Variants in DRC9 observed in about 807,000 individuals in gnomAD.
DRC9 encodes dynein regulatory complex subunit 9, also known as dynein regulatory complex protein 9.
At chr3:197,950,924 G>T in the DRC9 span, 13 of 1,613,660 alleles carry the variant, frequency 8.1e-6, no homozygotes, top group Admixed American at 1.7e-5. Flanking sequence ...TAATCTTTTT[G>T]TTTGTTTTAA....
At chr3:197,951,238 G>A in the DRC9 span, 1 of 1,614,232 alleles carries the variant, frequency 6.2e-7, no homozygotes, top group Non-Finnish European at 8.5e-7. Context: ...TCTTAAAATT[G>A]AAGGTGTTTA....
the DRC9 span, chr3:197,944,144 T>C: frequency 8.1e-6 from 9 of 1,115,964 alleles, no homozygotes; most frequent in Non-Finnish European, 1.0e-5. Flanking sequence ...TGGGCTCCTG[T>C]GATATTCACA....
At chr3:197,945,742 A>G in the DRC9 span, 8 of 719,368 alleles carry the variant, frequency 1.1e-5, no homozygotes, top group Non-Finnish European at 1.9e-5. Flanking sequence ...ATGATGTTTC[A>G]GTTATTTCTA....
the DRC9 span, among the ~76,000 whole-genome samples, chr3:197,942,556 AT>A: frequency 6.6e-5 from 10 of 151,904 alleles, no homozygotes; most frequent in African/African-American, 2.4e-4. Flanking sequence ...AACAAACAAA[AT>A]GAAAAAAAAA....
At chr3:197,930,612 C>T in the DRC9 span, among the ~76,000 whole-genome samples, 2 of 151,828 alleles carry the variant, frequency 1.3e-5, no homozygotes, top group Non-Finnish European at 2.9e-5. Flanking sequence ...TGGTGGCACA[C>T]ACCTGTGGTC....
the DRC9 span, among the ~76,000 whole-genome samples, chr3:197,954,731 C>T: frequency 5.3e-5 from 8 of 152,146 alleles, no homozygotes; most frequent in Non-Finnish European, 1.2e-4. Flanking sequence ...TGGTCTTGAA[C>T]TCCTGAGCCC....
the DRC9 span, among the ~76,000 whole-genome samples, chr3:197,904,005 T>C: frequency 8.1e-3 from 834 of 103,420 alleles, 4 homozygotes; most frequent in Non-Finnish European, 0.013. Context: ...TATATATACA[T>C]ACATATATAT....
At chr3:197,922,525 G>A in the DRC9 span, among the ~76,000 whole-genome samples, 2 of 152,032 alleles carry the variant, frequency 1.3e-5, no homozygotes, top group East Asian at 3.9e-4. Flanking sequence ...GGCCAATATG[G>A]TGAAACCCCA....
At chr3:197,931,717 C>T in the DRC9 span, among the ~76,000 whole-genome samples, 2 of 151,936 alleles carry the variant, frequency 1.3e-5, no homozygotes, top group South Asian at 2.1e-4. Flanking sequence ...CTCTGCCTCC[C>T]GGGTTCAGGC....
At chr3:197,926,878 T>C in the DRC9 span, among the ~76,000 whole-genome samples, 1 of 152,192 alleles carries the variant, frequency 6.6e-6, no homozygotes, top group African/African-American at 2.4e-5. Context: ...CACGCAGATC[T>C]TTCCCCTGAT....
chr3:197,951,178 T>C, the DRC9 span: 2 of 1,614,100 alleles, frequency 1.2e-6, no homozygotes, highest in Non-Finnish European at 1.7e-6. Context: ...CAAGGCCATT[T>C]TTGCTGGCTA....
chr3:197,903,818 G>A, the DRC9 span, among the ~76,000 whole-genome samples: 2 of 151,436 alleles, frequency 1.3e-5, no homozygotes, highest in South Asian at 4.2e-4. Context: ...TGTGAAAAAT[G>A]GGCCAAAAGG....
the DRC9 span, chr3:197,943,662 A>G: frequency 1.0e-6 from 1 of 954,764 alleles, no homozygotes; most frequent in South Asian, 1.7e-5. Context: ...AGAAACAAAG[A>G]AGGAAAGAGA....
the DRC9 span, among the ~76,000 whole-genome samples, chr3:197,918,427 T>C: frequency 6.6e-6 from 1 of 151,922 alleles, no homozygotes; most frequent in Non-Finnish European, 1.5e-5. Flanking sequence ...TTAGGAAGAC[T>C]AGAGTTAAAG....
At chr3:197,954,673 A>G in the DRC9 span, among the ~76,000 whole-genome samples, 1 of 152,090 alleles carries the variant, frequency 6.6e-6, no homozygotes, top group African/African-American at 2.4e-5. Flanking sequence ...CACCATGCCC[A>G]GATAATTTTT....
the DRC9 span, among the ~76,000 whole-genome samples, chr3:197,902,313 A>G: frequency 6.6e-6 from 1 of 152,204 alleles, no homozygotes. Flanking sequence ...CCATATACCG[A>G]TGAACATCCA....
chr3:197,943,008 G>A, the DRC9 span, among the ~76,000 whole-genome samples: 1 of 151,704 alleles, frequency 6.6e-6, no homozygotes, highest in Non-Finnish European at 1.5e-5. Context: ...TACAACCTAA[G>A]TTACTGAAAT....
At chr3:197,906,730 G>A in the DRC9 span, 3 of 152,272 alleles carry the variant, frequency 2.0e-5, no homozygotes, top group African/African-American at 7.2e-5. Flanking sequence ...CTTGCAGCAG[G>A]GCTGCAGAGT....
At chr3:197,904,907 G>C in the DRC9 span, among the ~76,000 whole-genome samples, 26 of 152,212 alleles carry the variant, frequency 1.7e-4, no homozygotes, top group African/African-American at 6.3e-4. Flanking sequence ...GTACTATTCG[G>C]CCCAGAATGA....
Sources: allele counts gnomAD v4.1 joint callset (sites outside exome capture counted in the v4.1 genomes callset), GRCh38; gene constraint gnomAD v4.1.1; transcripts MANE v1.5; gene names NCBI Gene and HGNC (gene_info 2026-07-23, HGNC 2026-07-21).